UGT1A7: variants seen among roughly 807,000 people sequenced by gnomAD.
UGT1A7 encodes the protein UDP-glucuronosyltransferase 1A7.
A neutral mutation model predicts 45.6 loss-of-function variants in UGT1A7; 33 were observed. The observed-to-expected ratio is 0.72, with a 90% CI of 0.55 to 0.97. UGT1A7 has a LOEUF of 0.97. Ranked by LOEUF, UGT1A7 falls within the 50% of genes least tolerant of loss-of-function variation. The pLI is 0.00. For synonymous variants in UGT1A7, 274 were observed against 250.6 expected (o/e 1.09, Z -0.88); for missense variants, 684 against 666.2 (o/e 1.03, Z -0.29).
intron 1 of UGT1A7, chr2:233,718,997 G>T (rs2076712017): frequency 6.2e-7 from 1 of 1,614,222 alleles, no homozygotes; most frequent in Non-Finnish European, 8.5e-7. Flanking sequence ...ACCAGGCGGT[G>T]GTCCTCACCC....
chr2:233,730,143 C>G, intron 1 of UGT1A7: 1 of 1,515,100 alleles, frequency 6.6e-7, no homozygotes, highest in African/African-American at 1.4e-5. Flanking sequence ...GTGAGATAAA[C>G]TGTTAAGGGG....
At chr2:233,690,271 T>C (rs1031936949) in intron 1 of UGT1A7, among the ~76,000 whole-genome samples, 3 of 152,182 alleles carry the variant, frequency 2.0e-5, no homozygotes, top group Non-Finnish European at 2.9e-5. Context: ...ATTTTGCAGG[T>C]CCTTTGAAAT....
rs1216500349 is a variant in UGT1A7, at chr2:233,713,387, G to A, written c.855+30595G>A. On this transcript the variant is annotated intron_variant, in intron 1 of 4. Transcript: ENST00000373426. Reference sequence around the variant, plus strand: ...TACATAGGTCTTGTGTGGAGCTACTGCATAATGAGGCCCTGATCAGGCACC... The same window carrying A: ...TACATAGGTCTTGTGTGGAGCTACTACATAATGAGGCCCTGATCAGGCACC... 5.0e-6 allele frequency: 8 copies of A among 1,614,014 alleles called. No homozygotes were observed. The Admixed American group carries it at 1.0e-4, about 20-fold the overall frequency.
intron 1 of UGT1A7, among the ~76,000 whole-genome samples, chr2:233,703,977 G>T (rs139887897): frequency 0.027 from 4,130 of 151,638 alleles, 94 homozygotes; most frequent in African/African-American, 0.047. Context: ...TGCAACCTCC[G>T]CCTCCTGGGT....
intron 1 of UGT1A7, chr2:233,760,273 A>G (rs113386420): frequency 2.5e-6 from 4 of 1,612,532 alleles, no homozygotes; most frequent in Admixed American, 1.7e-5. Flanking sequence ...AACCTCTGGC[A>G]GGAGCAAAGG....
At chr2:233,686,570 G>A (rs1027526190) in intron 1 of UGT1A7, among the ~76,000 whole-genome samples, 18 of 152,112 alleles carry the variant, frequency 1.2e-4, no homozygotes, top group African/African-American at 4.3e-4. Flanking sequence ...GGTTTCAGAA[G>A]TTAGTGTGGA....
intron 1 of UGT1A7, among the ~76,000 whole-genome samples, chr2:233,758,687 A>G (rs1165998608): frequency 6.6e-5 from 10 of 152,210 alleles, no homozygotes; most frequent in Non-Finnish European, 1.5e-4. Flanking sequence ...CCCATAGGAC[A>G]CCAAAACTCT....
chr2:233,725,249 G>GGAGGCAGAGGCAGAGGAGGCAGAGGCA (rs1559370464), intron 1 of UGT1A7, among the ~76,000 whole-genome samples: 1 of 48,520 alleles, frequency 2.1e-5, no homozygotes, highest in Non-Finnish European at 3.8e-5. Context: ...CAGAGGCAGA[G>GGAGGCAGAGGCAGAGGAGGCAGAGGCA]GAGGCAGAGG....
At position 233,713,511 on chromosome 2, in the gene UGT1A7, A is replaced by G. The variant is rs763014830; in HGVS notation, c.855+30719A>G. On this transcript the variant is annotated intron_variant, in intron 1 of 4. Transcript: ENST00000373426. ...GTCGATTCCTGCTGTGTTTTTCTTG[A>G]GGAACATTCCATGTGATTTAGACTT... 25 of 1,613,762 alleles carry G rather than the reference A, an allele frequency of 1.5e-5. No homozygotes were observed. In the East Asian group the frequency reaches 4.7e-4, roughly 30 times the overall value.
chr2:233,761,079 C>T, intron 1 of UGT1A7: 1 of 1,614,120 alleles, frequency 6.2e-7, no homozygotes, highest in Non-Finnish European at 8.5e-7. Flanking sequence ...TGAAGGATTA[C>T]CCTAGGCCCA....
intron 1 of UGT1A7, among the ~76,000 whole-genome samples, chr2:233,696,821 G>A (rs2075360354): frequency 6.6e-6 from 1 of 152,138 alleles, no homozygotes; most frequent in Admixed American, 6.5e-5. Flanking sequence ...TTTATTGAGA[G>A]TGTGTATCAT....
Position 233,769,613 on chromosome 2 carries a change from C to A in UGT1A7, c.1295+1174C>A. 6 of 1,612,708 alleles carry A rather than the reference C, an allele frequency of 3.7e-6. No individual in the cohort carries two copies. Among genetic ancestry groups the A allele is most frequent in the Non-Finnish European group, 5.1e-6 (6 of 1,179,824 alleles). Reference sequence around the variant, plus strand: ...GAGACGGAACACGGGGACACACCAGCTTGAGCAAGGGACAACAGGGGAGGA... The same window carrying A: ...GAGACGGAACACGGGGACACACCAGATTGAGCAAGGGACAACAGGGGAGGA... On this transcript the variant is annotated intron_variant, in intron 4 of 4. Transcript: ENST00000373426. The surrounding 1 kb of genome is among the most constrained non-coding windows in gnomAD (Gnocchi z 4.4).
At chr2:233,704,040 A>C (rs2075765017) in intron 1 of UGT1A7, among the ~76,000 whole-genome samples, 1 of 151,878 alleles carries the variant, frequency 6.6e-6, no homozygotes, top group African/African-American at 2.4e-5. Context: ...ACAGGTGTGC[A>C]CCAACATGCC....
chr2:233,764,455 C>T (rs1040568062), intron 1 of UGT1A7, among the ~76,000 whole-genome samples: 13 of 152,170 alleles, frequency 8.5e-5, no homozygotes, highest in African/African-American at 2.7e-4. Context: ...TTTAAACTTT[C>T]GTGATCTCCT....
At chr2:233,690,442 T>C (rs929947496) in intron 1 of UGT1A7, 2 of 1,281,964 alleles carry the variant, frequency 1.6e-6, no homozygotes, top group African/African-American at 3.0e-5. Context: ...GGGTCTCTCC[T>C]CTATTCAAAA....
chr2:233,743,051 C>T, intron 1 of UGT1A7: 1 of 319,368 alleles, frequency 3.1e-6, no homozygotes, highest in Non-Finnish European at 6.1e-6. Context: ...CGTGTAGTCC[C>T]AACGATAAGA....
chr2:233,748,384 T>G (rs546137113), intron 1 of UGT1A7, among the ~76,000 whole-genome samples: 6 of 151,768 alleles, frequency 4.0e-5, no homozygotes, highest in Admixed American at 6.6e-5. Flanking sequence ...ATGTCCTTCA[T>G]TGGGAAGGAG....
At chr2:233,753,747 C>G (rs1162212818) in intron 1 of UGT1A7, 1 of 152,226 alleles carries the variant, frequency 6.6e-6, no homozygotes, top group Non-Finnish European at 1.5e-5. Context: ...AGCAATAGGA[C>G]AGTTTTGCGT....
At chr2:233,764,199 A>T (rs1193982268) in intron 1 of UGT1A7, among the ~76,000 whole-genome samples, 1 of 152,170 alleles carries the variant, frequency 6.6e-6, no homozygotes, top group Non-Finnish European at 1.5e-5. Flanking sequence ...GGGGCATCTC[A>T]TCTTTTCTTT....
Sources: gnomAD v4.1 joint callset for allele counts (sites outside exome capture counted in the v4.1 genomes callset) on GRCh38, gnomAD v4.1.1 for gene constraint, Gnocchi (gnomAD v3.1) non-coding constraint, MANE v1.5 for transcripts, NCBI Gene and HGNC (gene_info 2026-07-23, HGNC 2026-07-21) for gene names.